The following C1orf21 variants were observed in gnomAD, a reference collection of about 807,000 sequenced individuals.
C1orf21 encodes uncharacterized protein C1orf21.
A neutral mutation model predicts 18.7 loss-of-function variants in C1orf21; 3 were observed. The observed-to-expected ratio is 0.16, with a 90% CI of 0.07 to 0.42. The LOEUF (loss-of-function observed/expected upper bound fraction) is 0.42, where lower values mean the gene tolerates loss of function less well. C1orf21 is among the 10% of genes least tolerant of loss of function. C1orf21 has a pLI of 0.99. For missense variants in C1orf21, 104 were observed against 143.6 expected, an observed-to-expected ratio of 0.72 and a Z score of 1.41; for synonymous variants, 41 against 46.4, an observed-to-expected ratio of 0.88 and a Z score of 0.47.
chr1:184,587,122 G>A (rs940330009), intron 3 of C1orf21, among the ~76,000 whole-genome samples: 2 of 152,070 alleles, frequency 1.3e-5, no homozygotes, highest in Admixed American at 6.6e-5. Context: ...TGGGTTCTCT[G>A]TTTTGTTCCA....
chr1:184,525,211 A>C (rs1325459558), intron 3 of C1orf21, among the ~76,000 whole-genome samples: 1 of 151,990 alleles, frequency 6.6e-6, no homozygotes, highest in East Asian at 1.9e-4. Flanking sequence ...TATTCTTGTA[A>C]TTATTCTTGG....
chr1:184,412,929 G>T (rs915832860), intron 1 of C1orf21, among the ~76,000 whole-genome samples: 10 of 152,196 alleles, frequency 6.6e-5, no homozygotes, highest in African/African-American at 2.4e-4. Flanking sequence ...ATTGAGAGTT[G>T]ACAATTTATC....
intron 3 of C1orf21, among the ~76,000 whole-genome samples, chr1:184,561,963 T>A (rs1256973723): frequency 2.0e-5 from 3 of 152,292 alleles, no homozygotes; most frequent in East Asian, 1.9e-4. Flanking sequence ...CTTTCTTTTT[T>A]AAAATTATCT....
chr1:184,419,415 T>C (rs1230708317), intron 1 of C1orf21, among the ~76,000 whole-genome samples: 1 of 152,178 alleles, frequency 6.6e-6, no homozygotes, highest in Non-Finnish European at 1.5e-5. Flanking sequence ...AGTATTGAAT[T>C]CCTTATGGAG....
chr1:184,564,468 C>T (rs549601962), intron 3 of C1orf21, among the ~76,000 whole-genome samples: 86 of 152,060 alleles, frequency 5.7e-4, no homozygotes, highest in Non-Finnish European at 9.6e-4. Flanking sequence ...CCACCATGCC[C>T]GGCTGATTTT....
chr1:184,389,164 C>T (rs1655932837), intron 1 of C1orf21, among the ~76,000 whole-genome samples: 2 of 152,214 alleles, frequency 1.3e-5, no homozygotes, highest in East Asian at 3.9e-4. Context: ...GCTGTGCAAA[C>T]CTGCTTCAGA....
chr1:184,606,924 T>C (rs1659654147), intron 5 of C1orf21, among the ~76,000 whole-genome samples: 1 of 152,226 alleles, frequency 6.6e-6, no homozygotes, highest in African/African-American at 2.4e-5. Flanking sequence ...GAATGAGACA[T>C]TCCCGTTTAT....
intron 3 of C1orf21, among the ~76,000 whole-genome samples, chr1:184,548,426 T>TG (rs1658761885): frequency 6.7e-6 from 1 of 150,054 alleles, no homozygotes; most frequent in East Asian, 2.0e-4. Context: ...TTTTTTTTTT[T>TG]TTTGTTGAGA....
chr1:184,529,728 G>A (rs1396344887), intron 3 of C1orf21, among the ~76,000 whole-genome samples: 1 of 152,210 alleles, frequency 6.6e-6, no homozygotes, highest in Admixed American at 6.5e-5. Context: ...AAAATCAGAA[G>A]ACAGCAGTGG....
At position 184,624,523 on chromosome 1, in the gene C1orf21, T is replaced by C. The variant is rs1659975592; in HGVS notation, c.*4967T>C. On this transcript the variant is annotated 3_prime_UTR_variant, in exon 6 of 6. Coordinates refer to ENST00000235307, the MANE Select transcript of C1orf21 (RefSeq NM_030806.4). Reference sequence around the variant, plus strand: ...ATCACAAACTGTATCTTTTTAAGGTTAAAAGTCTTGACCTTCATGGGGGTC... The same window carrying C: ...ATCACAAACTGTATCTTTTTAAGGTCAAAAGTCTTGACCTTCATGGGGGTC... 6.6e-6 allele frequency: 1 copy of C among 152,180 alleles called. No individual in the cohort carries two copies. Among genetic ancestry groups the C allele is most frequent in the Non-Finnish European group, 1.5e-5 (1 of 68,030 alleles). 9.4% of individuals were successfully genotyped at this position (152,180 alleles called of 1,614,324 possible).
At chr1:184,600,127 TACAA>T (rs1036965871) in intron 5 of C1orf21, among the ~76,000 whole-genome samples, 6 of 152,158 alleles carry the variant, frequency 3.9e-5, no homozygotes, top group East Asian at 3.8e-4. Context: ...AAACAACACT[TACAA>T]ACACTTAAAA....
intron 3 of C1orf21, among the ~76,000 whole-genome samples, chr1:184,587,524 T>TTGTGTGTGTGTG (rs3034486): frequency 1.4e-5 from 2 of 139,632 alleles, no homozygotes; most frequent in South Asian, 2.4e-4. Flanking sequence ...TTCCTAGGAA[T>TTGTGTGTGTGTG]TGTGTGTGTG....
chr1:184,417,576 A>T (rs1656473755), intron 1 of C1orf21, among the ~76,000 whole-genome samples: 1 of 152,242 alleles, frequency 6.6e-6, no homozygotes, highest in African/African-American at 2.4e-5. Flanking sequence ...TCACAAAAGG[A>T]ATTCTTGGTG....
chr1:184,539,093 AT>A (rs1658604891), intron 3 of C1orf21, among the ~76,000 whole-genome samples: 1 of 152,156 alleles, frequency 6.6e-6, no homozygotes, highest in Non-Finnish European at 1.5e-5. Context: ...AGAGGGGAAG[AT>A]TTTAATCTTT....
chr1:184,512,744 C>A (rs1314187834), intron 3 of C1orf21, among the ~76,000 whole-genome samples: 1 of 152,132 alleles, frequency 6.6e-6, no homozygotes, highest in African/African-American at 2.4e-5. Context: ...TCATCTGGAA[C>A]CTGGAGAATC....
chr1:184,411,670 C>T (rs2101962545), intron 1 of C1orf21, among the ~76,000 whole-genome samples: 1 of 152,240 alleles, frequency 6.6e-6, no homozygotes, highest in South Asian at 2.1e-4. Flanking sequence ...GATCCGCCCG[C>T]CTTGGCCTCC....
At chr1:184,447,364 T>C (rs907809361) in intron 1 of C1orf21, among the ~76,000 whole-genome samples, 1 of 152,234 alleles carries the variant, frequency 6.6e-6, no homozygotes, top group African/African-American at 2.4e-5. Context: ...GATTCAAGAA[T>C]GTTACAGACA....
rs895551205 is a variant in C1orf21, at chr1:184,623,693, G to T, written c.*4137G>T. The T allele has an allele frequency of 2.6e-4, 40 of 152,632 alleles. No homozygotes were observed. Among genetic ancestry groups the T allele is most frequent in the African/African-American group, 8.2e-4 (34 of 41,448 alleles). The allele number at this position is 152,632 out of a possible 1,614,324, so 9.5% of individuals were successfully genotyped here. A position where few individuals can be genotyped will look rare whatever the true frequency, so the allele number is the denominator to read the frequency against. On this transcript the variant is annotated 3_prime_UTR_variant, in exon 6 of 6. Coordinates refer to ENST00000235307, the MANE Select transcript of C1orf21 (RefSeq NM_030806.4). ...TGCAATAAACCTTTTGGAATTTCAT[G>T]AACGAGGTCTATGAATTGCCTTTTG...
intron 3 of C1orf21, among the ~76,000 whole-genome samples, chr1:184,557,006 A>C (rs1250236309): frequency 1.3e-5 from 2 of 152,158 alleles, no homozygotes; most frequent in Non-Finnish European, 2.9e-5. Flanking sequence ...CTTGCTCCAA[A>C]CAATATGTAG....
Sources: allele counts gnomAD v4.1 joint callset (sites outside exome capture counted in the v4.1 genomes callset), GRCh38; gene constraint gnomAD v4.1.1; transcripts MANE v1.5; gene names NCBI Gene and HGNC (gene_info 2026-07-23, HGNC 2026-07-21).